CAPN12: variants seen among roughly 807,000 people sequenced by gnomAD.
The protein encoded by CAPN12 is calpain-12.
A neutral mutation model predicts 95.0 loss-of-function variants in CAPN12; 107 were observed. That is an observed-to-expected ratio of 1.13 (90% CI 0.96 to 1.32). CAPN12 has a LOEUF of 1.32. Ranked by LOEUF, CAPN12 falls within the 40% of genes most tolerant of loss-of-function variation. The pLI is 0.00. For missense variants in CAPN12, 1,136 were observed against 997.8 expected, an observed-to-expected ratio of 1.14 and a Z score of -1.87; for synonymous variants, 505 against 415.5, an observed-to-expected ratio of 1.22 and a Z score of -2.62.
Position 38,741,793 on chromosome 19 carries a change from C to T in CAPN12, c.544G>A (p.Glu182Lys), listed in dbSNP as rs959095456. The change falls in exon 4 of 21, where the codon GAG becomes AAG. Residue 182 changes from glutamate to lysine, a missense_variant. Coordinates refer to ENST00000328867, the MANE Select transcript of CAPN12 (RefSeq NM_144691.4). Reference sequence around the variant, plus strand: ...GGTCCTCACTTGGCGTAGGCCTTCTCCAGGAGTGGGGCCCAGAACTCATTC... The same window carrying T: ...GGTCCTCACTTGGCGTAGGCCTTCTTCAGGAGTGGGGCCCAGAACTCATTC... ...QRNEFWAPLL[E>K]KAYAKLHGSY... 2 of 1,613,918 alleles carry T rather than the reference C, an allele frequency of 1.2e-6. No individual in the cohort carries two copies. Among genetic ancestry groups the T allele is most frequent in the Non-Finnish European group, 1.7e-6 (2 of 1,180,036 alleles).
chr19:38,736,183 G>A lies in CAPN12; in HGVS notation c.1510C>T (p.Pro504Ser), dbSNP rs1363131787. 6.6e-7 allele frequency: 1 copy of A among 1,513,516 alleles called. No individual in the cohort carries two copies. Among genetic ancestry groups the A allele is most frequent in the Admixed American group, 2.1e-5 (1 of 48,570 alleles). 93.8% of individuals were successfully genotyped at this position (1,513,516 alleles called of 1,614,324 possible). ...CLRPGHYLVV[P>S]STAHAGDEAD... ...TCGTCGCCGGCGTGGGCGGTGCTCG[G>A]CACCACCAGGTAGTGGCCTGGACGC... The change falls in exon 12 of 21, where the codon CCG (proline) becomes TCG (serine). Residue 504 changes from proline to serine, a missense_variant. Physicochemically the swap from Pro to Ser is moderately conservative, Grantham distance 74. Coordinates refer to ENST00000328867, the MANE Select transcript of CAPN12 (RefSeq NM_144691.4).
At chr19:38,741,551 C>T (rs1298723523) in intron 4 of CAPN12, among the ~76,000 whole-genome samples, 2 of 146,954 alleles carry the variant, frequency 1.4e-5, no homozygotes, top group East Asian at 4.0e-4. Flanking sequence ...CCAGCCTGGG[C>T]GACAGAGTGA....
chr19:38,737,303 C>A lies in CAPN12; in HGVS notation c.1215G>T (p.Gly405=). ...CCCGTGCCCCTGCAGCCCCCCAGCCCCCCCAGGGCCCTTCCTCATCCTCGT... is the reference window on the plus strand; with the variant it reads ...CCCGTGCCCCTGCAGCCCCCCAGCCACCCCAGGGCCCTTCCTCATCCTCGT... ...EDDEDEEGPW[G]GWGAAGARGP... is the part of the protein sequence containing the mutation. The change falls in exon 10 of 21, where the codon GGG becomes GGT. Residue 405 remains glycine, a synonymous_variant. Transcript: ENST00000328867. 6.4e-7 allele frequency: 1 copy of A among 1,558,962 alleles called. No homozygotes were observed. The highest frequency in any genetic ancestry group is 1.9e-5 in the Admixed American group (1 of 52,260).
rs1970445384 is a variant in CAPN12 at position 38,739,883 on chromosome 19, C to T, written c.729+168G>A. On this transcript the variant is annotated intron_variant, in intron 5 of 20. Coordinates refer to ENST00000328867, the MANE Select transcript of CAPN12 (RefSeq NM_144691.4). ...TCTGGATCCAGCTGTGCCTGAAGCCCCTGATTCATGAGAGCAAATGAATTT... is the reference window on the plus strand; with the variant it reads ...TCTGGATCCAGCTGTGCCTGAAGCCTCTGATTCATGAGAGCAAATGAATTT... 11 of 646,786 alleles carry T rather than the reference C, an allele frequency of 1.7e-5. No homozygotes were observed. In the South Asian group the frequency reaches 3.3e-4, roughly 19 times the overall value. The allele number at this position is 646,786 out of a possible 1,614,324, so 40.1% of individuals were successfully genotyped here. A position where few individuals can be genotyped will look rare whatever the true frequency, so the allele number is the denominator to read the frequency against.
chr19:38,736,956 G>A (rs1970225698), intron 10 of CAPN12, 200 bp downstream of exon 10: 1 of 129,428 alleles, frequency 7.7e-6, no homozygotes. Flanking sequence ...TCTTGGCCCT[G>A]CTCCTCCACT....
chr19:38,734,361 C>G lies in CAPN12; in HGVS notation c.1773G>C (p.Glu591Asp), dbSNP rs771872939. ...GCTGCTCACAGGTCCTGAGCCCGAT[C>G]TCTCTGGGGGTGGAGGTATGGGCCC... Reference protein sequence around the residue: ...PARAHTSTPREIGLRTCEQLL... With the variant: ...PARAHTSTPRDIGLRTCEQLL... Residue 591 changes from glutamate to aspartate, a missense_variant, in exon 16 of 21, where the codon GAG becomes GAC. Physicochemically the swap from Glu to Asp is conservative, Grantham distance 45. Coordinates refer to ENST00000328867, the MANE Select transcript of CAPN12 (RefSeq NM_144691.4). 11 of 1,607,590 alleles carry G rather than the reference C, an allele frequency of 6.8e-6. No homozygotes were observed. The South Asian group carries it at 1.2e-4, about 18-fold the overall frequency.
chr19:38,730,906 T>C (rs1327578232), intron 20 of CAPN12, 28 bp from the exon 21 acceptor site: 2 of 1,550,832 alleles, frequency 1.3e-6, no homozygotes. Flanking sequence ...GACAGTGGCT[T>C]GAGGCAGGGA....
Position 38,734,304 on chromosome 19 carries a change from C to T in CAPN12, c.1815+15G>A, listed in dbSNP as rs1035190017. 2.7e-5 allele frequency: 44 copies of T among 1,604,934 alleles called. No homozygotes were observed. In the African/African-American group the frequency reaches 4.7e-4, roughly 17 times the overall value. ...CCCCACTCCCTCCCTCACCCAGGCA[C>T]TGCCCCCCATGTACCCCGAAACACT... On this transcript the variant is annotated intron_variant, in intron 16 of 20. Coordinates refer to ENST00000328867, the MANE Select transcript of CAPN12 (RefSeq NM_144691.4).
At chr19:38,732,535 G>A (rs1969703562) in intron 18 of CAPN12, among the ~76,000 whole-genome samples, 1 of 152,152 alleles carries the variant, frequency 6.6e-6, no homozygotes, top group Non-Finnish European at 1.5e-5. Flanking sequence ...GTTCCGCCAT[G>A]TTGCCCAGGC....
chr19:38,743,167 G>GT, intron 1 of CAPN12, 65 bp from the exon 2 acceptor site: 1 of 1,586,816 alleles, frequency 6.3e-7, no homozygotes. Context: ...ATCCAGAGGA[G>GT]TGAGGGCCTC....
chr19:38,740,243 G>A (rs770296900), intron 4 of CAPN12, 24 bp from the exon 5 acceptor site: 1 of 1,574,286 alleles, frequency 6.4e-7, no homozygotes, highest in Non-Finnish European at 8.6e-7. Flanking sequence ...TCTGGGGTGA[G>A]GGTTGAGGCA....
intron 3 of CAPN12, 69 bp downstream of exon 3, chr19:38,742,341 A>G: frequency 8.1e-7 from 1 of 1,227,260 alleles, no homozygotes; most frequent in South Asian, 1.3e-5. Flanking sequence ...AAAAAAAAAA[A>G]AAGAAAAATC....
rs1568787616 is a variant in CAPN12 at position 38,737,586 on chromosome 19, G to GCC, written c.1017_1018insGG (p.Leu340GlyfsTer2). 1 of 1,612,156 alleles carries GCC rather than the reference G, an allele frequency of 6.2e-7. No homozygotes were observed. On this transcript the variant is annotated frameshift_variant, in exon 9 of 21. Coordinates refer to ENST00000328867, the MANE Select transcript of CAPN12 (RefSeq NM_144691.4). LOFTEE classifies it high-confidence loss of function. The stretch of plus-strand genomic sequence containing the variant: ...CTGGGGCCCAGCACCTCCGGGCTCA[G>GCC]CGAGCAGATCTGCACGGTGTCGAAA...
At chr19:38,741,257 T>C (rs192225258) in intron 4 of CAPN12, among the ~76,000 whole-genome samples, 5 of 152,082 alleles carry the variant, frequency 3.3e-5, no homozygotes, top group Admixed American at 1.3e-4. Context: ...GTGTGAAATA[T>C]TGATGGAGAG....
rs1970267999 is a variant in CAPN12 at position 38,737,321 on chromosome 19, ATCCTCGTCATCC to A, written c.1185_1196del (p.Glu395_Glu398del). Reference sequence around the variant, plus strand: ...CCCAGCCCCCCCAGGGCCCTTCCTCATCCTCGTCATCCTCCTCATCAGGCTCCAGCAGCGTTA... The same window carrying A: ...CCCAGCCCCCCCAGGGCCCTTCCTCATCCTCATCAGGCTCCAGCAGCGTTA... On this transcript the variant is annotated inframe_deletion, in exon 10 of 21. Transcript: ENST00000328867. 6 of 1,242,288 alleles carry A rather than the reference ATCCTCGTCATCC, an allele frequency of 4.8e-6. No homozygotes were observed. The highest frequency in any genetic ancestry group is 6.2e-6 in the Non-Finnish European group (6 of 966,624). 77.0% of individuals were successfully genotyped at this position (1,242,288 alleles called of 1,614,324 possible). A position where few individuals can be genotyped will look rare whatever the true frequency, so the allele number is the denominator to read the frequency against.
intron 1 of CAPN12, 170 bp from the exon 2 acceptor site, chr19:38,743,272 C>G: frequency 1.5e-6 from 1 of 683,834 alleles, no homozygotes; most frequent in Non-Finnish European, 2.5e-6. Flanking sequence ...TAGCCCCCTC[C>G]TCCCTCAGAC....
chr19:38,735,525 T>C lies in CAPN12; in HGVS notation c.1603A>G (p.Ser535Gly), dbSNP rs763520645. The C allele has an allele frequency of 2.5e-6, 4 of 1,610,552 alleles. No individual in the cohort carries two copies. Among genetic ancestry groups the C allele is most frequent in the African/African-American group, 1.3e-5 (1 of 74,280 alleles). Residue 535 changes from serine to glycine, a missense_variant, in exon 13 of 21, where the codon AGC (serine) becomes GGC (glycine). Physicochemically the swap from Ser to Gly is moderately conservative, Grantham distance 56. Coordinates refer to ENST00000328867, the MANE Select transcript of CAPN12 (RefSeq NM_144691.4). ...HTAVEIDDVI[S>G]ADLQSLQGPY... The stretch of plus-strand genomic sequence containing the variant: ...ACCTGGAGAGACTGCAGGTCTGCGC[T>C]GATCACGTCGTCGATCTCCCTGCAA...
rs559303590 is a variant in CAPN12, at chr19:38,744,130, G to A, written c.36C>T (p.Leu12=). The A allele has an allele frequency of 4.6e-5, 74 of 1,614,050 alleles. No homozygotes were observed. The highest frequency in any genetic ancestry group is 1.2e-4 in the South Asian group (11 of 91,086). The change falls in exon 1 of 21, where the codon CTC becomes CTT. Residue 12 remains leucine, a synonymous_variant. Coordinates refer to ENST00000328867, the MANE Select transcript of CAPN12 (RefSeq NM_144691.4). The part of the protein sequence containing the change: ...ASSSGRVTIQ[L]VDEEAGVGAG... ...CTCCGACCCCAGCCTCCTCATCCAC[G>A]AGCTGGATGGTGACCCTCCCACTGC...
At chr19:38,733,896 AC>A (rs890534907) in intron 17 of CAPN12, 115 bp from the exon 18 acceptor site, 13 of 919,064 alleles carry the variant, frequency 1.4e-5, no homozygotes, top group Non-Finnish European at 1.5e-5. Context: ...TCTGGTGTGG[AC>A]CCCCAGCAAG....
Sources: allele counts gnomAD v4.1 joint callset (sites outside exome capture counted in the v4.1 genomes callset), GRCh38; gene constraint gnomAD v4.1.1; transcripts MANE v1.5; gene names NCBI Gene and HGNC (gene_info 2026-07-23, HGNC 2026-07-21).